Variants in TMEFF2 observed in about 807,000 individuals in gnomAD.
The protein encoded by TMEFF2 is transmembrane protein with EGF like and two follistatin like domains 2.
TMEFF2 carries 28 observed loss-of-function variants against 53.8 expected under a neutral mutation model. The ratio of observed to expected loss-of-function variants is 0.52; its 90% confidence interval spans 0.39 to 0.71. The LOEUF is 0.71. TMEFF2 is among the 30% of genes least tolerant of loss of function. The pLI is 0.00. For missense variants in TMEFF2, 353 were observed against 455.2 expected (o/e 0.78, Z 2.04); for synonymous variants, 162 against 166.3 (o/e 0.97, Z 0.20).
At chr2:192,027,194 C>T (rs1418268851) in intron 5 of TMEFF2, among the ~76,000 whole-genome samples, 4 of 152,180 alleles carry the variant, frequency 2.6e-5, no homozygotes, top group South Asian at 2.1e-4. Context: ...GAAATAATAA[C>T]GACAGTCTTA....
Position 191,998,244 on chromosome 2 carries a change from G to C in TMEFF2, c.745+18C>G. The C allele has an allele frequency of 6.4e-6, 10 of 1,571,416 alleles. No homozygotes were observed. The highest frequency in any genetic ancestry group is 8.7e-6 in the Non-Finnish European group (10 of 1,155,890). ...TTAATAGAAGAGCTCACATTTTGTA[G>C]AAGAAAATATTATGTACCTGCATAA... On this transcript the variant is annotated intron_variant, in intron 7 of 9. Coordinates refer to ENST00000272771, the MANE Select transcript of TMEFF2 (RefSeq NM_016192.4).
intron 4 of TMEFF2, among the ~76,000 whole-genome samples, chr2:192,122,236 C>T (rs1689573574): frequency 6.6e-6 from 1 of 152,020 alleles, no homozygotes; most frequent in Admixed American, 6.6e-5. Context: ...CCCCTCTATT[C>T]ACCAGTGAAA....
intron 7 of TMEFF2, among the ~76,000 whole-genome samples, chr2:191,972,138 G>C (rs561158353): frequency 2.0e-5 from 2 of 98,740 alleles, no homozygotes; most frequent in South Asian, 8.4e-4. Flanking sequence ...TATTGCGTTA[G>C]TGTTTTTTTG....
chr2:192,002,315 AT>A (rs1686384668), intron 5 of TMEFF2, among the ~76,000 whole-genome samples: 1 of 152,148 alleles, frequency 6.6e-6, no homozygotes, highest in Non-Finnish European at 1.5e-5. Flanking sequence ...GAATGCATGG[AT>A]TATATTGGTC....
At chr2:192,170,297 C>G (rs2356955) in intron 4 of TMEFF2, among the ~76,000 whole-genome samples, 2 of 151,870 alleles carry the variant, frequency 1.3e-5, no homozygotes, top group Non-Finnish European at 2.9e-5. Context: ...TCATATTTTT[C>G]TGCAAGTGCT....
chr2:192,112,096 A>G (rs1689293410), intron 4 of TMEFF2, among the ~76,000 whole-genome samples: 1 of 152,216 alleles, frequency 6.6e-6, no homozygotes, highest in Non-Finnish European at 1.5e-5. Flanking sequence ...GCCCCCACAC[A>G]GAGTTCTCAC....
chr2:192,006,925 A>C (rs756176379), intron 5 of TMEFF2, among the ~76,000 whole-genome samples: 27 of 152,150 alleles, frequency 1.8e-4, no homozygotes, highest in Non-Finnish European at 3.7e-4. Flanking sequence ...TCACCCTCTA[A>C]GACTAAGAGA....
chr2:192,137,051 C>G (rs79296668), intron 4 of TMEFF2, among the ~76,000 whole-genome samples: 1 of 152,140 alleles, frequency 6.6e-6, no homozygotes, highest in African/African-American at 2.4e-5. Flanking sequence ...CAACAGATAC[C>G]GTTAAGGATA....
At chr2:192,055,113 G>GA (rs1189292958) in intron 5 of TMEFF2, among the ~76,000 whole-genome samples, 2 of 152,032 alleles carry the variant, frequency 1.3e-5, no homozygotes, top group African/African-American at 2.4e-5. Context: ...AAAACAGCTT[G>GA]AAAAAATGAT....
chr2:192,141,819 G>A (rs1690146360), intron 4 of TMEFF2, among the ~76,000 whole-genome samples: 1 of 152,124 alleles, frequency 6.6e-6, no homozygotes, highest in African/African-American at 2.4e-5. Context: ...GACCAAAATC[G>A]AAACAACTAA....
chr2:192,092,072 C>T (rs566544626), intron 4 of TMEFF2, among the ~76,000 whole-genome samples: 13 of 152,202 alleles, frequency 8.5e-5, no homozygotes, highest in Non-Finnish European at 1.8e-4. Flanking sequence ...CAGCTCTTTC[C>T]CTCAATAAAG....
chr2:191,961,622 A>T (rs1692276754), intron 7 of TMEFF2, among the ~76,000 whole-genome samples: 1 of 152,188 alleles, frequency 6.6e-6, no homozygotes, highest in South Asian at 2.1e-4. Context: ...CTGGGACAGA[A>T]ATAAATTATA....
chr2:192,010,720 A>C (rs1206644131), intron 5 of TMEFF2, among the ~76,000 whole-genome samples: 1 of 152,256 alleles, frequency 6.6e-6, no homozygotes, highest in South Asian at 2.1e-4. Flanking sequence ...TTCATAAAAC[A>C]GAGTCATCAG....
At chr2:192,156,788 A>C (rs556145563) in intron 4 of TMEFF2, among the ~76,000 whole-genome samples, 13 of 152,170 alleles carry the variant, frequency 8.5e-5, no homozygotes, top group African/African-American at 3.1e-4. Context: ...CCGTATCTAC[A>C]GACTGAAATG....
intron 5 of TMEFF2, among the ~76,000 whole-genome samples, chr2:192,013,278 C>T (rs1041802297): frequency 6.6e-6 from 1 of 152,070 alleles, no homozygotes; most frequent in Non-Finnish European, 1.5e-5. Flanking sequence ...TTTTACTGCT[C>T]CTCCAACATG....
At chr2:191,989,184 C>G (rs1686048199) in intron 7 of TMEFF2, among the ~76,000 whole-genome samples, 1 of 152,012 alleles carries the variant, frequency 6.6e-6, no homozygotes, top group African/African-American at 2.4e-5. Context: ...GCTACAGATC[C>G]CAGAGGAGCT....
rs1356851154 is a variant in TMEFF2, at chr2:191,968,602, G to A, written c.746-12224C>T. 4.6e-5 allele frequency among the ~76,000 whole-genome samples: 7 copies of A among 152,180 alleles called. 1 individual carries two copies. The South Asian group carries it at 8.3e-4, about 18-fold the overall frequency. On this transcript the variant is annotated intron_variant, in intron 7 of 9. Transcript: ENST00000272771. Reference sequence around the variant, plus strand: ...TGACTACTTCTGTAGCAGAATTCACGGGAAAAAGGGGTTCTGTAGTCAAAT... The same window carrying A: ...TGACTACTTCTGTAGCAGAATTCACAGGAAAAAGGGGTTCTGTAGTCAAAT...
At chr2:192,174,331 T>C (rs1005258974) in intron 4 of TMEFF2, among the ~76,000 whole-genome samples, 2 of 151,844 alleles carry the variant, frequency 1.3e-5, no homozygotes, top group Non-Finnish European at 2.9e-5. Flanking sequence ...AACGTATTCA[T>C]GTGTGAAAAC....
intron 7 of TMEFF2, among the ~76,000 whole-genome samples, chr2:191,967,889 C>CCAAGCCTTCCTTACCCTT (rs1178429602): frequency 3.3e-5 from 5 of 152,136 alleles, no homozygotes; most frequent in African/African-American, 1.2e-4. Context: ...CCTCAGCTTG[C>CCAAGCCTTCCTTACCCTT]CAAGCCTTCC....
Sources: gnomAD v4.1 joint callset for allele counts (sites outside exome capture counted in the v4.1 genomes callset) on GRCh38, gnomAD v4.1.1 for gene constraint, MANE v1.5 for transcripts, NCBI Gene and HGNC (gene_info 2026-07-23, HGNC 2026-07-21) for gene names.